The following TNFRSF21 variants were observed in gnomAD, a reference collection of about 807,000 sequenced individuals.
The protein encoded by TNFRSF21 is tumor necrosis factor receptor superfamily member 21.
Under a neutral mutation model 45.6 loss-of-function variants are expected in TNFRSF21, and 19 were observed. That is an observed-to-expected ratio of 0.42 (90% CI 0.29 to 0.61). The LOEUF (loss-of-function observed/expected upper bound fraction) is 0.61. Among genes scored for constraint, TNFRSF21 ranks in the 20% least tolerant of loss-of-function variants. The pLI, the probability that TNFRSF21 is intolerant of heterozygous loss-of-function variation, is 0.23. For missense variants in TNFRSF21, 737 were observed against 851.5 expected (o/e 0.87, Z 1.67); for synonymous variants, 314 against 335.5 (o/e 0.94, Z 0.70).
chr6:47,294,606 A>G (rs1762770895), intron 1 of TNFRSF21, among the ~76,000 whole-genome samples: 1 of 152,234 alleles, frequency 6.6e-6, no homozygotes, highest in African/African-American at 2.4e-5. Flanking sequence ...TAACAGAACT[A>G]CAAATGGCTT....
At chr6:47,261,238 AT>A (rs1290838353) in intron 3 of TNFRSF21, among the ~76,000 whole-genome samples, 1 of 152,268 alleles carries the variant, frequency 6.6e-6, no homozygotes, top group Non-Finnish European at 1.5e-5. Context: ...AGAAATTGGA[AT>A]AAAAGCCTGG....
At chr6:47,249,791 A>G (rs1477547237) in intron 4 of TNFRSF21, among the ~76,000 whole-genome samples, 1 of 152,196 alleles carries the variant, frequency 6.6e-6, no homozygotes, top group Non-Finnish European at 1.5e-5. Flanking sequence ...TTTATTGCCT[A>G]TATCTCATAA....
intron 1 of TNFRSF21, among the ~76,000 whole-genome samples, chr6:47,299,534 TATA>T (rs1330807355): frequency 3.3e-5 from 5 of 152,076 alleles, no homozygotes; most frequent in African/African-American, 4.8e-5. Context: ...TGTTATTAAA[TATA>T]ATAATATTAC....
intron 3 of TNFRSF21, among the ~76,000 whole-genome samples, chr6:47,266,219 G>A (rs1014322745): frequency 6.6e-6 from 1 of 152,168 alleles, no homozygotes; most frequent in Non-Finnish European, 1.5e-5. Flanking sequence ...TGGGAGATGG[G>A]TTTTGTTCAC....
At chr6:47,269,220 GACACAAACACACAC>G (rs994884458) in intron 3 of TNFRSF21, among the ~76,000 whole-genome samples, 8 of 149,436 alleles carry the variant, frequency 5.4e-5, no homozygotes, top group African/African-American at 1.5e-4. Flanking sequence ...GACACACACA[GACACAAACACACAC>G]ACACAAACAC....
intron 1 of TNFRSF21, among the ~76,000 whole-genome samples, chr6:47,292,462 T>C (rs549434476): frequency 2.5e-4 from 38 of 152,238 alleles, no homozygotes; most frequent in African/African-American, 7.9e-4. Context: ...GTTTTAGCTT[T>C]GGTTCATTTT....
At chr6:47,271,173 G>A (rs183212015) in intron 3 of TNFRSF21, among the ~76,000 whole-genome samples, 3,258 of 152,180 alleles carry the variant, frequency 0.021, 137 homozygotes, top group African/African-American at 0.075. Flanking sequence ...AGACCACAAA[G>A]ATACTCCTCG....
intron 2 of TNFRSF21, among the ~76,000 whole-genome samples, 168 bp from the exon 3 acceptor site, chr6:47,284,600 A>C (rs1302910876): frequency 6.6e-6 from 1 of 152,184 alleles, no homozygotes; most frequent in Non-Finnish European, 1.5e-5. Flanking sequence ...CCCTAATGGC[A>C]CCTTCATGTG....
At chr6:47,299,802 G>T (rs2113870056) in intron 1 of TNFRSF21, among the ~76,000 whole-genome samples, 1 of 152,272 alleles carries the variant, frequency 6.6e-6, no homozygotes, top group Non-Finnish European at 1.5e-5. Context: ...AGGCTTGTGG[G>T]CTAGAAAGCA....
chr6:47,274,688 A>C (rs1449679909), intron 3 of TNFRSF21, among the ~76,000 whole-genome samples: 3 of 152,250 alleles, frequency 2.0e-5, no homozygotes, highest in Non-Finnish European at 4.4e-5. Flanking sequence ...AACTATCATC[A>C]GAGTGAACAG....
At chr6:47,257,250 T>C (rs1244698357) in intron 3 of TNFRSF21, among the ~76,000 whole-genome samples, 1 of 152,036 alleles carries the variant, frequency 6.6e-6, no homozygotes, top group Non-Finnish European at 1.5e-5. Flanking sequence ...CCACAAAGAA[T>C]AGATACAATG....
intron 3 of TNFRSF21, among the ~76,000 whole-genome samples, chr6:47,280,605 T>G (rs1048016538): frequency 6.6e-6 from 1 of 152,240 alleles, no homozygotes; most frequent in African/African-American, 2.4e-5. Flanking sequence ...ATTGCTGTGG[T>G]ACTGCTTTCA....
chr6:47,265,904 C>T (rs1040790672), intron 3 of TNFRSF21, among the ~76,000 whole-genome samples: 2 of 152,176 alleles, frequency 1.3e-5, no homozygotes, highest in African/African-American at 2.4e-5. Context: ...TCACTCCTAA[C>T]ACACTTGATT....
At chr6:47,299,348 A>G (rs1396487378) in intron 1 of TNFRSF21, among the ~76,000 whole-genome samples, 2 of 152,050 alleles carry the variant, frequency 1.3e-5, no homozygotes, top group African/African-American at 4.8e-5. Context: ...TACAAAAATT[A>G]GCCAGGCAGG....
intron 1 of TNFRSF21, among the ~76,000 whole-genome samples, chr6:47,307,740 T>A (rs1762959760): frequency 6.6e-6 from 1 of 152,178 alleles, no homozygotes; most frequent in East Asian, 1.9e-4. Flanking sequence ...TTTGATTACA[T>A]CAAGACCTTT....
rs2113840258 is a variant in TNFRSF21, at chr6:47,232,618, C to CT, written c.*146dup. On this transcript the variant is annotated 3_prime_UTR_variant, in exon 6 of 6. Coordinates refer to ENST00000296861, the MANE Select transcript of TNFRSF21 (RefSeq NM_014452.5). ...AGAACTCAAGCACTGGCCATATTCT[C>CT]TGTTAAACACACACACACACACACA... 3 of 640,960 alleles carry CT rather than the reference C, an allele frequency of 4.7e-6. No homozygotes were observed. The South Asian group carries it at 6.1e-5, about 13-fold the overall frequency. 39.7% of individuals were successfully genotyped at this position (640,960 alleles called of 1,614,324 possible).
intron 3 of TNFRSF21, among the ~76,000 whole-genome samples, chr6:47,281,363 A>G (rs1762564623): frequency 6.6e-6 from 1 of 150,406 alleles, no homozygotes; most frequent in Non-Finnish European, 1.5e-5. Flanking sequence ...TACATATTTT[A>G]CAATATAAAA....
intron 3 of TNFRSF21, among the ~76,000 whole-genome samples, chr6:47,262,813 CAG>C (rs994685875): frequency 2.6e-5 from 4 of 152,078 alleles, no homozygotes; most frequent in African/African-American, 9.7e-5. Context: ...AGAGGAGTCG[CAG>C]AGAGAGAAAA....
intron 3 of TNFRSF21, among the ~76,000 whole-genome samples, chr6:47,276,512 C>T (rs901894434): frequency 1.3e-5 from 2 of 152,190 alleles, no homozygotes; most frequent in Non-Finnish European, 2.9e-5. Flanking sequence ...GAAGAAGCTG[C>T]TAAGAGATGA....
Sources: allele counts gnomAD v4.1 joint callset (sites outside exome capture counted in the v4.1 genomes callset), GRCh38; gene constraint gnomAD v4.1.1; transcripts MANE v1.5; gene names NCBI Gene and HGNC (gene_info 2026-07-23, HGNC 2026-07-21).